Variants in TMEM131 observed in about 807,000 individuals in gnomAD.
TMEM131 encodes transmembrane protein 131, also known as 2610524E03Rik.
Under a neutral mutation model 211.6 loss-of-function variants are expected in TMEM131, and 66 were observed. The ratio of observed to expected loss-of-function variants is 0.31; its 90% confidence interval spans 0.26 to 0.38. The LOEUF is 0.38. TMEM131 is among the 10% of genes least tolerant of loss of function. TMEM131 has a pLI of 1.00. For synonymous variants in TMEM131, 844 were observed against 841.3 expected (o/e 1.00, Z -0.06); for missense variants, 2,036 against 2,299.3 (o/e 0.89, Z 2.34).
At chr2:97,766,399 A>G (rs999601018) in intron 34 of TMEM131, 79 bp downstream of exon 34, 1 of 1,605,824 alleles carries the variant, frequency 6.2e-7, no homozygotes, top group African/African-American at 1.3e-5. Flanking sequence ...CTGCTTACTG[A>G]TAATGCACAA....
At chr2:97,770,295 T>C (rs1679403762) in intron 33 of TMEM131, among the ~76,000 whole-genome samples, 1 of 152,212 alleles carries the variant, frequency 6.6e-6, no homozygotes, top group South Asian at 2.1e-4. Context: ...TCTGACTCAA[T>C]ACTTTCATCC....
intron 4 of TMEM131, among the ~76,000 whole-genome samples, chr2:97,880,373 T>C (rs927771480): frequency 6.6e-6 from 1 of 152,164 alleles, no homozygotes; most frequent in Non-Finnish European, 1.5e-5. Flanking sequence ...GATTTTGATG[T>C]GAAAAACATT....
rs540131156 is a variant in TMEM131, at chr2:97,778,971, GTGTGGATTCTCAAGTT to G, written c.4145-2969_4145-2954del. Reference sequence around the variant, plus strand: ...CTGAGTTAACTATCCCAAAAACATCGTGTGGATTCTCAAGTTTGTGATTATGGTTCTTAACCAGACA... The same window carrying G: ...CTGAGTTAACTATCCCAAAAACATCGTGTGATTATGGTTCTTAACCAGACA... On this transcript the variant is annotated intron_variant, in intron 31 of 40. Coordinates refer to ENST00000186436, the MANE Select transcript of TMEM131 (RefSeq NM_015348.2). 1.9e-3 allele frequency among the ~76,000 whole-genome samples: 294 copies of G among 152,232 alleles called. 10 individuals carry two copies. In the South Asian group the frequency reaches 0.06, roughly 31 times the overall value.
chr2:97,805,498 T>C, intron 20 of TMEM131, 47 bp from the exon 21 acceptor site: 2 of 1,612,580 alleles, frequency 1.2e-6, no homozygotes, highest in Non-Finnish European at 1.7e-6. Context: ...CCACAGGAGG[T>C]CATAAAACAA....
chr2:97,776,804 G>A (rs1293248316), intron 31 of TMEM131, among the ~76,000 whole-genome samples: 4 of 152,206 alleles, frequency 2.6e-5, no homozygotes, highest in East Asian at 3.9e-4. Flanking sequence ...TAATGGCTGG[G>A]TGCAAACCCT....
chr2:97,756,882 T>G lies in TMEM131; in HGVS notation c.*217A>C. ...TAGAGTTTGTGGCTGAGTCCAGACT[T>G]TTCTCTAAAAGCACAACAGCAAATC... On this transcript the variant is annotated 3_prime_UTR_variant, in exon 41 of 41. Transcript: ENST00000186436. 1 of 514,586 alleles carries G rather than the reference T, an allele frequency of 1.9e-6. No individual in the cohort carries two copies. Among genetic ancestry groups the G allele is most frequent in the Non-Finnish European group, 3.2e-6 (1 of 309,218 alleles). 31.9% of individuals were successfully genotyped at this position (514,586 alleles called of 1,614,324 possible).
chr2:97,867,332 C>G (rs754745368), intron 4 of TMEM131, among the ~76,000 whole-genome samples: 9 of 152,098 alleles, frequency 5.9e-5, no homozygotes, highest in Non-Finnish European at 1.3e-4. Flanking sequence ...TCAGTTCTGG[C>G]AGTTTTGCTT....
At chr2:97,967,200 T>A (rs1034166028) in intron 1 of TMEM131, among the ~76,000 whole-genome samples, 1 of 152,208 alleles carries the variant, frequency 6.6e-6, no homozygotes, top group African/African-American at 2.4e-5. Context: ...CACAGGTCTG[T>A]GTATACAGTC....
At chr2:97,841,349 AC>A (rs1390527175) in intron 7 of TMEM131, among the ~76,000 whole-genome samples, 1 of 152,244 alleles carries the variant, frequency 6.6e-6, no homozygotes, top group African/African-American at 2.4e-5. Context: ...AAATAAAAAA[AC>A]AAGCTTGCTT....
Position 97,813,994 on chromosome 2 carries a change from G to A in TMEM131, c.1594C>T (p.Arg532Trp), listed in dbSNP as rs764651975. ...ACATCTAAAAAGCCTGTGTATACCC[G>A]CACGGGTAAATGAAATTTAGAAGCA... ...TNASKFHLPV[R>W]VYTGFLDYFV... The change falls in exon 15 of 41, where the codon CGG becomes TGG. Residue 532 changes from arginine to tryptophan, a missense_variant. This residue lies in a region of TMEM131 where 1,623 missense variants were observed against 1,805.9 expected (regional missense o/e 0.90). Coordinates refer to ENST00000186436, the MANE Select transcript of TMEM131 (RefSeq NM_015348.2). 9.4e-6 allele frequency: 15 copies of A among 1,596,790 alleles called. No homozygotes were observed. The highest frequency in any genetic ancestry group is 6.7e-5 in the East Asian group (3 of 44,530).
chr2:97,859,215 A>G (rs555918918), intron 5 of TMEM131, 89 bp downstream of exon 5: 1 of 1,374,948 alleles, frequency 7.3e-7, no homozygotes, highest in African/African-American at 1.5e-5. Context: ...TTCAAACCCA[A>G]TTCTAATCAC....
intron 7 of TMEM131, among the ~76,000 whole-genome samples, chr2:97,840,548 C>T (rs1330608076): frequency 1.3e-5 from 2 of 152,198 alleles, no homozygotes; most frequent in Non-Finnish European, 1.5e-5. Flanking sequence ...CATGACCGTG[C>T]CACTGCACTC....
At chr2:97,818,211 G>A (rs1681926348) in intron 12 of TMEM131, among the ~76,000 whole-genome samples, 3 of 152,040 alleles carry the variant, frequency 2.0e-5, no homozygotes, top group South Asian at 2.1e-4. Flanking sequence ...ATATGAAAAT[G>A]TTACAAAGAA....
intron 1 of TMEM131, among the ~76,000 whole-genome samples, chr2:97,994,789 T>C (rs1358853237): frequency 1.3e-5 from 2 of 152,218 alleles, no homozygotes; most frequent in Non-Finnish European, 2.9e-5. Context: ...ATTTTTAAAA[T>C]AGGGGCCAGC....
intron 1 of TMEM131, among the ~76,000 whole-genome samples, chr2:97,936,246 GA>G (rs1481353305): frequency 2.0e-5 from 3 of 152,210 alleles, no homozygotes; most frequent in Non-Finnish European, 4.4e-5. Flanking sequence ...AGTTTAAAAG[GA>G]AAAGTTGGGA....
intron 3 of TMEM131, among the ~76,000 whole-genome samples, chr2:97,904,937 T>C (rs923295926): frequency 6.6e-6 from 1 of 152,216 alleles, no homozygotes; most frequent in Admixed American, 6.5e-5. Context: ...CTCCTGTCCT[T>C]TGTGCTGTTA....
intron 1 of TMEM131, among the ~76,000 whole-genome samples, chr2:97,962,047 C>T (rs1678840797): frequency 6.6e-6 from 1 of 152,104 alleles, no homozygotes; most frequent in South Asian, 2.1e-4. Context: ...ACAGCTAAAA[C>T]TATAATGTTC....
At chr2:97,851,896 A>G (rs926249571) in intron 5 of TMEM131, among the ~76,000 whole-genome samples, 1 of 152,182 alleles carries the variant, frequency 6.6e-6, no homozygotes, top group Non-Finnish European at 1.5e-5. Flanking sequence ...GTTGGAGTAA[A>G]AGGAAGGGTT....
intron 4 of TMEM131, among the ~76,000 whole-genome samples, chr2:97,864,525 A>G: frequency 6.6e-6 from 1 of 152,174 alleles, no homozygotes; most frequent in East Asian, 1.9e-4. Context: ...ACCCACAAAA[A>G]TTTAAAATAA....
Sources: allele counts gnomAD v4.1 joint callset (sites outside exome capture counted in the v4.1 genomes callset), GRCh38; gene constraint gnomAD v4.1.1; regional missense constraint gnomAD v4.1.1; transcripts MANE v1.5; gene names NCBI Gene and HGNC (gene_info 2026-07-23, HGNC 2026-07-21).